DNAH9: variants seen among roughly 807,000 people sequenced by gnomAD.
DNAH9 encodes the protein dynein axonemal heavy chain 9, also known as DNAH9 variant protein.
In DNAH9, 345 loss-of-function variants were observed where a neutral mutation model predicts 471.6. That is an observed-to-expected ratio of 0.73 (90% confidence interval 0.67 to 0.80). The LOEUF is 0.80. Ranked by LOEUF, DNAH9 falls within the 30% of genes least tolerant of loss-of-function variation. DNAH9 has a pLI of 0.00. For synonymous variants in DNAH9, 2,093 were observed against 2,123.6 expected (o/e 0.99, Z 0.40); for missense variants, 5,407 against 5,609.2 (o/e 0.96, Z 1.15).
intron 30 of DNAH9, among the ~76,000 whole-genome samples, chr17:11,744,344 G>A (rs914615163): frequency 6.6e-6 from 1 of 152,234 alleles, no homozygotes; most frequent in Middle Eastern, 3.4e-3. Context: ...TGACCAGGGG[G>A]TTCATATTTG....
intron 11 of DNAH9, among the ~76,000 whole-genome samples, chr17:11,646,750 T>C (rs1363726986): frequency 1.3e-5 from 2 of 151,998 alleles, no homozygotes; most frequent in Non-Finnish European, 2.9e-5. Context: ...CCCATTTCTA[T>C]TAAAAATACA....
intron 61 of DNAH9, among the ~76,000 whole-genome samples, chr17:11,920,845 A>T (rs1974115266): frequency 6.6e-6 from 1 of 151,810 alleles, no homozygotes; most frequent in Non-Finnish European, 1.5e-5. Flanking sequence ...GCTTTCAGTG[A>T]GAAAGGGGTT....
intron 49 of DNAH9, among the ~76,000 whole-genome samples, chr17:11,841,011 T>C (rs576843411): frequency 1.3e-5 from 2 of 152,348 alleles, no homozygotes; most frequent in African/African-American, 4.8e-5. Context: ...TAATATGCTC[T>C]TTTTTAAAAA....
chr17:11,714,809 C>G (rs557330111), intron 26 of DNAH9, among the ~76,000 whole-genome samples: 2 of 152,112 alleles, frequency 1.3e-5, no homozygotes, highest in East Asian at 1.9e-4. Flanking sequence ...GGTGGCAGAA[C>G]AGCCTCTAGG....
rs2150860142 is a variant in DNAH9 at position 11,757,675 on chromosome 17, A to G, written c.6978A>G (p.Leu2326=). Reference sequence around the variant, plus strand: ...TCGACAAGTATCTTCCAACCTGCCTAGACACACTCAGAACCAGGTAGGCCA... The same window carrying G: ...TCGACAAGTATCTTCCAACCTGCCTGGACACACTCAGAACCAGGTAGGCCA... ...ILFDKYLPTC[L]DTLRTRFKKI... The change falls in exon 35 of 69, where the codon CTA becomes CTG. Residue 2326 remains leucine (L), a synonymous_variant. Transcript: ENST00000262442. The G allele has an allele frequency of 6.2e-7, 1 of 1,613,992 alleles. No homozygotes were observed. Among genetic ancestry groups the G allele is most frequent in the East Asian group, 2.2e-5 (1 of 44,870 alleles).
chr17:11,617,654 C>T, intron 5 of DNAH9, 32 bp downstream of exon 5: 1 of 1,529,382 alleles, frequency 6.5e-7, no homozygotes, highest in Non-Finnish European at 9.1e-7. Flanking sequence ...AGCAACTGCT[C>T]CCTGGGGGCT....
At chr17:11,746,503 G>C (rs1216065538) in intron 31 of DNAH9, among the ~76,000 whole-genome samples, 2 of 152,094 alleles carry the variant, frequency 1.3e-5, no homozygotes, top group African/African-American at 4.8e-5. Context: ...CCTCCTCCCT[G>C]CACCATGCTG....
chr17:11,686,443 C>T (rs946850868), intron 19 of DNAH9, among the ~76,000 whole-genome samples: 22 of 152,164 alleles, frequency 1.4e-4, no homozygotes, highest in African/African-American at 5.3e-4. Context: ...TGTTCTTATA[C>T]TGTATCATTT....
At position 11,623,166 on chromosome 17, in the gene DNAH9, G is replaced by T. The variant is rs912963935; in HGVS notation, c.1350+3385G>T. Among the ~76,000 whole-genome samples the T allele has an allele frequency of 6.6e-6, 1 of 151,832 alleles. No individual in the cohort carries two copies. The highest frequency in any genetic ancestry group is 1.9e-4 in the East Asian group (1 of 5,146). ...TTTTTGTATTTTTAGTAGAGACAGGGTCTTTCTGTGTTGGTCAGGCTGGTC... is the reference window on the plus strand; with the variant it reads ...TTTTTGTATTTTTAGTAGAGACAGGTTCTTTCTGTGTTGGTCAGGCTGGTC... On this transcript the variant is annotated intron_variant, in intron 6 of 68. Transcript: ENST00000262442. This position sits in a 1 kb window ranked among gnomAD's most constrained non-coding sequence, Gnocchi z 4.1.
chr17:11,926,353 C>T (rs1335113759), intron 62 of DNAH9, among the ~76,000 whole-genome samples: 1 of 152,074 alleles, frequency 6.6e-6, no homozygotes, highest in Non-Finnish European at 1.5e-5. Flanking sequence ...ATCAACCCAT[C>T]ACCTAGGTAT....
chr17:11,722,471 G>GT (rs2075076532), intron 27 of DNAH9, among the ~76,000 whole-genome samples: 1 of 152,220 alleles, frequency 6.6e-6, no homozygotes, highest in African/African-American at 2.4e-5. Flanking sequence ...AGCTGATGTG[G>GT]TAGTAGACAT....
intron 19 of DNAH9, among the ~76,000 whole-genome samples, chr17:11,683,358 G>C (rs888332530): frequency 3.9e-5 from 6 of 152,110 alleles, no homozygotes; most frequent in African/African-American, 1.4e-4. Context: ...ATTTTTAGTA[G>C]AGGCAGGGTT....
intron 68 of DNAH9, among the ~76,000 whole-genome samples, chr17:11,966,811 A>G (rs562591543): frequency 6.6e-6 from 1 of 152,136 alleles, no homozygotes; most frequent in Admixed American, 6.5e-5. Flanking sequence ...CTGTAATCCC[A>G]GCACTTTGGG....
chr17:11,862,690 T>C (rs1359825397), intron 50 of DNAH9, among the ~76,000 whole-genome samples: 1 of 152,224 alleles, frequency 6.6e-6, no homozygotes. Context: ...TCCTCTTTAA[T>C]TTCATTGAGC....
At position 11,828,473 on chromosome 17, in the gene DNAH9, C is replaced by CAAA. The variant is rs56689551; in HGVS notation, c.9246+5451_9246+5453dup. Among the ~76,000 whole-genome samples the CAAA allele has an allele frequency of 7.1e-5, 9 of 125,884 alleles. 2 individuals carry two copies. Among genetic ancestry groups the CAAA allele is most frequent in the Admixed American group, 8.2e-5 (1 of 12,178 alleles). The allele number at this position is 125,884 out of a possible 152,430, so 82.6% of individuals were successfully genotyped here. On this transcript the variant is annotated intron_variant, in intron 48 of 68. Coordinates refer to ENST00000262442, the MANE Select transcript of DNAH9 (RefSeq NM_001372.4). ...GGGCAACAAGAGTGAAACTCCGTCTCAAAAAAAAAAAAAATAGTGCCCGAA... is the reference window on the plus strand; with the variant it reads ...GGGCAACAAGAGTGAAACTCCGTCTCAAAAAAAAAAAAAAAAATAGTGCCCGAA...
Position 11,784,360 on chromosome 17 carries a change from A to G in DNAH9, c.7882A>G (p.Ser2628Gly), listed in dbSNP as rs983318055. ...PGADALSSIY[S>G]IILTQHLKLG... Reference sequence around the variant, plus strand: ...GGCAGATGCCCTGTCCTCTATCTACAGCATCATCCTCACTCAGCATCTGAA... The same window carrying G: ...GGCAGATGCCCTGTCCTCTATCTACGGCATCATCCTCACTCAGCATCTGAA... Residue 2628 changes from serine (S) to glycine (G), a missense_variant, in exon 41 of 69, where the codon AGC becomes GGC. Physicochemically the swap from Ser to Gly is moderately conservative, Grantham distance 56. Around this residue, in one of 3 missense-constraint regions of DNAH9, gnomAD observed 4,636 missense variants for 4,900.3 expected, o/e 0.95. Transcript: ENST00000262442. 6.2e-6 allele frequency: 10 copies of G among 1,614,172 alleles called. No individual in the cohort carries two copies. Among genetic ancestry groups the G allele is most frequent in the Non-Finnish European group, 8.5e-6 (10 of 1,180,024 alleles).
At chr17:11,811,607 C>T (rs1488022237) in intron 45 of DNAH9, among the ~76,000 whole-genome samples, 1 of 152,204 alleles carries the variant, frequency 6.6e-6, no homozygotes, top group African/African-American at 2.4e-5. Context: ...ATCACTCCAA[C>T]CTCAGCTGTC....
At chr17:11,609,701 A>T (rs1289371419) in intron 2 of DNAH9, among the ~76,000 whole-genome samples, 3 of 152,212 alleles carry the variant, frequency 2.0e-5, no homozygotes, top group Admixed American at 6.5e-5. Context: ...AAAATGTATT[A>T]AAAAAATTTT....
In DNAH9 at chr17:11,923,802, T is replaced by A; in HGVS notation, c.11750-12T>A. Reference sequence around the variant, plus strand: ...ACAAGAAATAATAATGACGCCTCCATCCTCCTTTTAGGAAGAAAACTTGGA... The same window carrying A: ...ACAAGAAATAATAATGACGCCTCCAACCTCCTTTTAGGAAGAAAACTTGGA... On this transcript the variant is annotated splice_polypyrimidine_tract_variant and intron_variant, in intron 61 of 68. Coordinates refer to ENST00000262442, the MANE Select transcript of DNAH9 (RefSeq NM_001372.4). 1 of 1,613,290 alleles carries A rather than the reference T, an allele frequency of 6.2e-7. No individual in the cohort carries two copies. The highest frequency in any genetic ancestry group is 1.1e-5 in the South Asian group (1 of 91,032).
Sources: gnomAD v4.1 joint callset for allele counts (sites outside exome capture counted in the v4.1 genomes callset) on GRCh38, gnomAD v4.1.1 for gene constraint, gnomAD v4.1.1 regional missense constraint, Gnocchi (gnomAD v3.1) non-coding constraint, MANE v1.5 for transcripts, NCBI Gene and HGNC (gene_info 2026-07-23, HGNC 2026-07-21) for gene names.